Variants in MYO9A observed in about 807,000 individuals in gnomAD.
MYO9A encodes myosin IXA.
In MYO9A, 103 loss-of-function variants were observed where a neutral mutation model predicts 293.3. That is an observed-to-expected ratio of 0.35 (90% CI 0.30 to 0.41). The LOEUF is 0.41. MYO9A is among the 10% of genes least tolerant of loss of function. The pLI, the probability that MYO9A is intolerant of heterozygous loss-of-function variation, is 1.00. For synonymous variants in MYO9A, 1,001 were observed against 1,035.7 expected (o/e 0.97, Z 0.64); for missense variants, 2,685 against 3,033.0 (o/e 0.89, Z 2.69).
chr15:72,025,179 A>T (rs2149293759), intron 4 of MYO9A, among the ~76,000 whole-genome samples: 1 of 152,324 alleles, frequency 6.6e-6, no homozygotes, highest in Admixed American at 6.5e-5. Flanking sequence ...AAGCTAGAGA[A>T]TACCAGATAA....
In MYO9A at chr15:71,898,183, T is replaced by C. The variant is rs774422578; in HGVS notation, c.4320A>G (p.Gln1440=). Residue 1440 remains glutamine, a synonymous_variant, in exon 25 of 42, where the codon CAA becomes CAG. Coordinates refer to ENST00000356056, the MANE Select transcript of MYO9A (RefSeq NM_006901.4). ...KTNSQLDTSI[Q]RNKLLENEDT... ...CTTCATTTTCCAATAGTTTGTTTCT[T>C]TGGATACTTGTGTCTAGTTGGGAAT... 1.2e-6 allele frequency: 2 copies of C among 1,614,064 alleles called. No individual in the cohort carries two copies. The highest frequency in any genetic ancestry group is 1.7e-6 in the Non-Finnish European group (2 of 1,180,036).
intron 12 of MYO9A, among the ~76,000 whole-genome samples, chr15:71,974,258 T>G (rs369206843): frequency 9.9e-5 from 15 of 151,206 alleles, no homozygotes; most frequent in African/African-American, 3.6e-4. Flanking sequence ...GATGAAGGAG[T>G]AGGATGGGCA....
chr15:71,992,241 G>C (rs1343976174), intron 10 of MYO9A, among the ~76,000 whole-genome samples: 1 of 152,064 alleles, frequency 6.6e-6, no homozygotes, highest in East Asian at 1.9e-4. Flanking sequence ...GAACATAAAT[G>C]CTTATATTCT....
At position 71,898,166 on chromosome 15, in the gene MYO9A, T is replaced by C. The variant is rs917911269; in HGVS notation, c.4337A>G (p.Glu1446Gly). Residue 1446 changes from glutamate to glycine, a missense_variant, in exon 25 of 42, where the codon GAA (glutamate) becomes GGA (glycine). By Grantham distance (98) the Glu-to-Gly change is moderately conservative. This residue lies in a region of MYO9A where 1,434 missense variants were observed against 1,497.7 expected (regional missense o/e 0.96). Coordinates refer to ENST00000356056, the MANE Select transcript of MYO9A (RefSeq NM_006901.4). ...AGCTTCCCCCGCTGTGTCTTCATTT[T>C]CCAATAGTTTGTTTCTTTGGATACT... ...DTSIQRNKLL[E>G]NEDTAGEALT... 3.1e-6 allele frequency: 5 copies of C among 1,614,116 alleles called. No homozygotes were observed. The highest frequency in any genetic ancestry group is 3.4e-6 in the Non-Finnish European group (4 of 1,180,048).
At chr15:71,910,168 G>GTGTGTATATA (rs56277057) in intron 19 of MYO9A, among the ~76,000 whole-genome samples, 2 of 128,316 alleles carry the variant, frequency 1.6e-5, no homozygotes, top group African/African-American at 5.8e-5. Context: ...ATATATACGT[G>GTGTGTATATA]TATATATATA....
chr15:72,078,112 T>G (rs2079428237), intron 1 of MYO9A, among the ~76,000 whole-genome samples: 1 of 152,160 alleles, frequency 6.6e-6, no homozygotes, highest in South Asian at 2.1e-4. Context: ...TCAAGACAGT[T>G]TGGCAGTTCT....
Position 71,898,023 on chromosome 15 carries a change from T to G in MYO9A, c.4480A>C (p.Asn1494His). ...TTTTGCCTTTCTTCCTTCTCAGTGT[T>G]TAGCTTTTCTAACTTCTTAAGCACA... Reference protein sequence around the residue: ...NPVLKKLEKLNTEKEERQKQL... With the variant: ...NPVLKKLEKLHTEKEERQKQL... The change falls in exon 25 of 42, where the codon AAC becomes CAC. Residue 1494 changes from asparagine to histidine, a missense_variant. By Grantham distance (68) the Asn-to-His change is moderately conservative (BLOSUM62 1). This residue lies in a region of MYO9A where 1,434 missense variants were observed against 1,497.7 expected (regional missense o/e 0.96). Coordinates refer to ENST00000356056, the MANE Select transcript of MYO9A (RefSeq NM_006901.4). The G allele has an allele frequency of 6.2e-7, 1 of 1,614,140 alleles. No individual in the cohort carries two copies. The highest frequency in any genetic ancestry group is 8.5e-7 in the Non-Finnish European group (1 of 1,180,030).
intron 19 of MYO9A, among the ~76,000 whole-genome samples, chr15:71,913,263 TTTTA>T (rs1240644179): frequency 6.6e-6 from 1 of 152,178 alleles, no homozygotes; most frequent in African/African-American, 2.4e-5. Flanking sequence ...TTAGCTTGTT[TTTTA>T]TTGTCAAATA....
At chr15:72,057,183 C>T (rs903147678) in intron 1 of MYO9A, among the ~76,000 whole-genome samples, 2 of 150,778 alleles carry the variant, frequency 1.3e-5, no homozygotes, top group Non-Finnish European at 3.0e-5. Context: ...GAGGCAGAAT[C>T]GCTTGAACCC....
intron 11 of MYO9A, among the ~76,000 whole-genome samples, chr15:71,985,632 TA>T (rs926476430): frequency 3.9e-5 from 6 of 152,246 alleles, no homozygotes; most frequent in Admixed American, 3.9e-4. Context: ...CTGGCCCTTT[TA>T]GAATCAGAAA....
Position 71,875,847 on chromosome 15 carries a change from G to A in MYO9A, c.5932-9C>T. ...CTTTCTGTTTTTGGCACCTGACAGG[G>A]GGACAGGAGATATATGGAAATTGTG... On this transcript the variant is annotated splice_polypyrimidine_tract_variant and intron_variant, in intron 31 of 41. Transcript: ENST00000356056. The A allele has an allele frequency of 1.5e-6, 2 of 1,358,118 alleles. No homozygotes were observed. Among genetic ancestry groups the A allele is most frequent in the Non-Finnish European group, 1.9e-6 (2 of 1,045,680 alleles). 84.1% of individuals were successfully genotyped at this position (1,358,118 alleles called of 1,614,324 possible). A position where few individuals can be genotyped will look rare whatever the true frequency, so the allele number is the denominator to read the frequency against.
chr15:72,015,428 G>A (rs1246705403), intron 6 of MYO9A, among the ~76,000 whole-genome samples: 3 of 152,112 alleles, frequency 2.0e-5, no homozygotes, highest in Non-Finnish European at 1.5e-5. Context: ...CATAGGAAAC[G>A]AGCTTCCACA....
rs1203498421 is a variant in MYO9A, at chr15:71,901,322, C to T, written c.3019G>A (p.Glu1007Lys). The T allele has an allele frequency of 9.3e-6, 15 of 1,612,568 alleles. No homozygotes were observed. The highest frequency in any genetic ancestry group is 1.3e-5 in the Non-Finnish European group (15 of 1,179,528). Residue 1007 changes from glutamate (E) to lysine (K), a missense_variant, in exon 23 of 42, where the codon GAA (glutamate) becomes AAA (lysine). Glu to Lys is a moderately conservative substitution (Grantham distance 56). Transcript: ENST00000356056. ...GKTMVFLKEQ[E>K]RQHLQDLLHQ... ...AGCAGATCTTGTAAGTGCTGTCGTT[C>T]CTGCTCCTTTAGAAAGACCTACCAA...
chr15:71,925,474 C>G (rs746439004), intron 18 of MYO9A, among the ~76,000 whole-genome samples: 1 of 151,590 alleles, frequency 6.6e-6, no homozygotes, highest in Non-Finnish European at 1.5e-5. Flanking sequence ...CTTTCTTCCT[C>G]TCTTACTATT....
In MYO9A at chr15:72,045,816, T is replaced by C. The variant is rs2078368063; in HGVS notation, c.748A>G (p.Asn250Asp). The C allele has an allele frequency of 3.1e-6, 5 of 1,614,040 alleles. No individual in the cohort carries two copies. Among genetic ancestry groups the C allele is most frequent in the African/African-American group, 2.7e-5 (2 of 74,914 alleles). The change falls in exon 2 of 42, where the codon AAC becomes GAC. Residue 250 changes from asparagine (N) to aspartate (D), a missense_variant. Coordinates refer to ENST00000356056, the MANE Select transcript of MYO9A (RefSeq NM_006901.4). Reference sequence around the variant, plus strand: ...GCAGTAAGGTGGTGAATAAGAAAGTTTGTGCTTTGAGTCTTCCCAGAACCA... The same window carrying C: ...GCAGTAAGGTGGTGAATAAGAAAGTCTGTGCTTTGAGTCTTCCCAGAACCA... Reference protein sequence around the residue: ...ESGSGKTQSTNFLIHHLTALS... With the variant: ...ESGSGKTQSTDFLIHHLTALS...
chr15:72,043,291 CAA>C (rs1382049216), intron 2 of MYO9A, among the ~76,000 whole-genome samples: 1 of 151,884 alleles, frequency 6.6e-6, no homozygotes, highest in Non-Finnish European at 1.5e-5. Context: ...AAAATACTGC[CAA>C]GAGAAATTAA....
chr15:71,898,778 C>T lies in MYO9A; in HGVS notation c.3725G>A (p.Ser1242Asn), dbSNP rs761863789. 1.9e-6 allele frequency: 3 copies of T among 1,614,196 alleles called. No homozygotes were observed. Among genetic ancestry groups the T allele is most frequent in the Non-Finnish European group, 2.5e-6 (3 of 1,180,030 alleles). The change falls in exon 25 of 42, where the codon AGT becomes AAT. Residue 1242 changes from serine to asparagine, a missense_variant. This residue lies in a region of MYO9A where 1,434 missense variants were observed against 1,497.7 expected (regional missense o/e 0.96). Coordinates refer to ENST00000356056, the MANE Select transcript of MYO9A (RefSeq NM_006901.4). ...NKQQERAQSQ[S>N]GVDLQEDVLV... Reference sequence around the variant, plus strand: ...CACATCTTCCTGCAAGTCCACACCACTCTGGCTTTGGGCTCTCTCCTGCTG... The same window carrying T: ...CACATCTTCCTGCAAGTCCACACCATTCTGGCTTTGGGCTCTCTCCTGCTG...
At chr15:71,940,971 A>G (rs2058758799) in intron 15 of MYO9A, among the ~76,000 whole-genome samples, 2 of 152,062 alleles carry the variant, frequency 1.3e-5, no homozygotes, top group South Asian at 4.1e-4. Context: ...GAGGGGGAGG[A>G]GGAGTAAATT....
chr15:71,983,925 A>C (rs900596872), intron 11 of MYO9A, among the ~76,000 whole-genome samples: 24 of 152,230 alleles, frequency 1.6e-4, no homozygotes, highest in African/African-American at 5.5e-4. Flanking sequence ...CTTGCTGCCT[A>C]AACAATATAC....
Sources: gnomAD v4.1 joint callset for allele counts (sites outside exome capture counted in the v4.1 genomes callset) on GRCh38, gnomAD v4.1.1 for gene constraint, gnomAD v4.1.1 regional missense constraint, MANE v1.5 for transcripts, NCBI Gene and HGNC (gene_info 2026-07-23, HGNC 2026-07-21) for gene names.